FAM151B: variants seen among roughly 807,000 people sequenced by gnomAD.
FAM151B encodes family with sequence similarity 151 member B.
A neutral mutation model predicts 31.2 loss-of-function variants in FAM151B; 24 were observed. The observed-to-expected ratio is 0.77, with a 90% CI of 0.56 to 1.08. The LOEUF (loss-of-function observed/expected upper bound fraction) is 1.08, where lower values mean the gene tolerates loss of function less well. Ranked by LOEUF, FAM151B falls within the 50% of genes least tolerant of loss-of-function variation. The pLI, the probability that FAM151B is intolerant of heterozygous loss-of-function variation, is 0.00. For synonymous variants in FAM151B, 105 were observed against 111.4 expected (o/e 0.94, Z 0.36); for missense variants, 293 against 328.6 (o/e 0.89, Z 0.84).
intron 1 of FAM151B, 64 bp downstream of exon 1, chr5:80,488,212 A>G: frequency 6.6e-7 from 1 of 1,505,536 alleles, no homozygotes; most frequent in Non-Finnish European, 8.9e-7. Context: ...CGCCGGCCGT[A>G]CCCTCCCTTT....
intron 5 of FAM151B, among the ~76,000 whole-genome samples, chr5:80,526,426 T>C (rs1213849354): frequency 6.8e-6 from 1 of 146,206 alleles, no homozygotes; most frequent in Non-Finnish European, 1.5e-5. Flanking sequence ...TTGGCCAACA[T>C]GGTGAAACAC....
rs56167626 is a variant in FAM151B, at chr5:80,494,460, C to CTTTTCT, written c.25+6315_25+6316insTCTTTT. Among the ~76,000 whole-genome samples, 585 of 70,960 alleles carry CTTTTCT rather than the reference C, an allele frequency of 8.2e-3. 30 individuals are homozygous for CTTTTCT. Among genetic ancestry groups the CTTTTCT allele is most frequent in the African/African-American group, 0.036 (538 of 14,812 alleles). The allele number at this position is 70,960 out of a possible 152,430, so 46.6% of individuals were successfully genotyped here. On this transcript the variant is annotated intron_variant, in intron 1 of 5. Transcript: ENST00000282226. ...TTCTTTCTTTTTCTTTCTTTCTTTT[C>CTTTTCT]TTTCTTTCTTTCTTTCTTTCTTTCT...
rs76804748 is a variant in FAM151B at position 80,497,780 on chromosome 5, C to G, written c.26-4012C>G. ...GTGGAAGGAAGGGGAACATCACACA[C>G]CAGGGCCTGTCGTGGGGTAGGGGGA... is the stretch of plus-strand genomic sequence containing the variant. On this transcript the variant is annotated intron_variant, in intron 1 of 5. Coordinates refer to ENST00000282226, the MANE Select transcript of FAM151B (RefSeq NM_205548.3). Among the ~76,000 whole-genome samples the G allele has an allele frequency of 9.7e-3, 1,333 of 137,504 alleles. 25 individuals carry two copies. Among genetic ancestry groups the G allele is most frequent in the African/African-American group, 0.036 (1,301 of 35,838 alleles). The allele number at this position is 137,504 out of a possible 152,430, so 90.2% of individuals were successfully genotyped here. A position where few individuals can be genotyped will look rare whatever the true frequency, so the allele number is the denominator to read the frequency against.
chr5:80,493,471 C>T (rs186810498), intron 1 of FAM151B, among the ~76,000 whole-genome samples: 9 of 152,022 alleles, frequency 5.9e-5, no homozygotes, highest in South Asian at 2.1e-4. Context: ...TGACTGCCTG[C>T]GGGGTTGGGC....
chr5:80,494,473 TTTC>T lies in FAM151B; in HGVS notation c.25+6328_25+6330del, dbSNP rs1370253442. On this transcript the variant is annotated intron_variant, in intron 1 of 5. Transcript: ENST00000282226. ...TTTCTTTCTTTTCTTTCTTTCTTTC[TTTC>T]TTTCTTTCTTTCTTTCTTTCTTTCT... Among the ~76,000 whole-genome samples, 68 of 89,684 alleles carry T rather than the reference TTTC, an allele frequency of 7.6e-4. 2 individuals carry two copies. Among genetic ancestry groups the T allele is most frequent in the African/African-American group, 1.9e-3 (52 of 26,806 alleles). 58.8% of individuals were successfully genotyped at this position (89,684 alleles called of 152,430 possible).
chr5:80,489,889 A>G (rs553178167), intron 1 of FAM151B, among the ~76,000 whole-genome samples: 1 of 152,196 alleles, frequency 6.6e-6, no homozygotes, highest in African/African-American at 2.4e-5. Flanking sequence ...GCGCCACTGC[A>G]CTCCAGCCTG....
chr5:80,513,580 A>C, intron 2 of FAM151B, 24 bp from the exon 3 acceptor site: 5 of 1,600,974 alleles, frequency 3.1e-6, no homozygotes, highest in Non-Finnish European at 4.3e-6. Context: ...CTTAGCATTA[A>C]CTGAAGTTCT....
intron 5 of FAM151B, among the ~76,000 whole-genome samples, chr5:80,533,244 G>A (rs1476577699): frequency 1.3e-5 from 2 of 151,954 alleles, no homozygotes; most frequent in Non-Finnish European, 2.9e-5. Context: ...GGGCGTGGTG[G>A]CGGGTGCCTG....
At chr5:80,530,038 C>T (rs1023337665) in intron 5 of FAM151B, among the ~76,000 whole-genome samples, 3 of 131,958 alleles carry the variant, frequency 2.3e-5, no homozygotes, top group Non-Finnish European at 4.9e-5. Flanking sequence ...TTATCCAGCA[C>T]GATCAAGTGG....
intron 1 of FAM151B, among the ~76,000 whole-genome samples, chr5:80,492,118 G>T (rs1350020077): frequency 6.6e-6 from 1 of 152,008 alleles, no homozygotes; most frequent in Non-Finnish European, 1.5e-5. Flanking sequence ...ACATGCCATT[G>T]TACAAGCATT....
At chr5:80,494,211 A>G (rs1335592781) in intron 1 of FAM151B, among the ~76,000 whole-genome samples, 1 of 152,184 alleles carries the variant, frequency 6.6e-6, no homozygotes, top group Non-Finnish European at 1.5e-5. Flanking sequence ...ACTCTCATCA[A>G]TTTTATGAAG....
intron 1 of FAM151B, among the ~76,000 whole-genome samples, chr5:80,492,989 A>G (rs919983778): frequency 6.6e-6 from 1 of 152,230 alleles, no homozygotes; most frequent in Non-Finnish European, 1.5e-5. Flanking sequence ...GCTAGAAATG[A>G]TTAAGCTTAG....
intron 3 of FAM151B, among the ~76,000 whole-genome samples, chr5:80,517,287 GA>G (rs957863433): frequency 2.0e-5 from 3 of 151,708 alleles, no homozygotes; most frequent in Admixed American, 6.6e-5. Flanking sequence ...TATGTGTAGG[GA>G]AAAAAAACAG....
intron 3 of FAM151B, among the ~76,000 whole-genome samples, chr5:80,516,894 G>T (rs970693112): frequency 6.6e-6 from 1 of 152,168 alleles, no homozygotes; most frequent in African/African-American, 2.4e-5. Context: ...GTACACCATG[G>T]TCTAAAAGTG....
At chr5:80,498,513 T>C in intron 1 of FAM151B, 1 of 860,966 alleles carries the variant, frequency 1.2e-6, no homozygotes. Context: ...TCATGTCTTT[T>C]ATTAACTCAT....
rs141967691 is a variant in FAM151B at position 80,538,918 on chromosome 5, A to C, written c.672-2755A>C. 2.8e-3 allele frequency among the ~76,000 whole-genome samples: 431 copies of C among 151,608 alleles called. 2 individuals carry two copies. Among genetic ancestry groups the C allele is most frequent in the Non-Finnish European group, 4.5e-3 (308 of 67,938 alleles). On this transcript the variant is annotated intron_variant, in intron 5 of 5. Coordinates refer to ENST00000282226, the MANE Select transcript of FAM151B (RefSeq NM_205548.3). ...TGGTCCCCCTTCTTTTTAAAACAAA[A>C]GATGTTATGGTATGTCATACACCTT...
chr5:80,535,137 G>A lies in FAM151B; in HGVS notation c.672-6536G>A, dbSNP rs143110595. Among the ~76,000 whole-genome samples, 616 of 152,260 alleles carry A rather than the reference G, an allele frequency of 4.0e-3. 4 individuals carry two copies. The highest frequency in any genetic ancestry group is 0.014 in the African/African-American group (574 of 41,556). On this transcript the variant is annotated intron_variant, in intron 5 of 5. Transcript: ENST00000282226. ...AATGGAGAGATATTCCATGTTTGTG[G>A]ATTGGAAGAATTAATATTGTTAAAA... is the stretch of plus-strand genomic sequence containing the variant.
chr5:80,542,288 A>G lies in FAM151B; in HGVS notation c.*456A>G, dbSNP rs1054357434. Reference sequence around the variant, plus strand: ...CTTTTAAAATGTTTTTAATTTTCACAGGGGTCAGCAGCTGTCTCATATCAA... The same window carrying G: ...CTTTTAAAATGTTTTTAATTTTCACGGGGGTCAGCAGCTGTCTCATATCAA... On this transcript the variant is annotated 3_prime_UTR_variant, in exon 6 of 6. Transcript: ENST00000282226. 2 of 154,524 alleles carry G rather than the reference A, an allele frequency of 1.3e-5. No individual in the cohort carries two copies. The highest frequency in any genetic ancestry group is 4.8e-5 in the African/African-American group (2 of 41,490). The allele number at this position is 154,524 out of a possible 1,614,324, so 9.6% of individuals were successfully genotyped here.
chr5:80,526,342 T>C (rs1744966706), intron 5 of FAM151B, among the ~76,000 whole-genome samples: 1 of 151,898 alleles, frequency 6.6e-6, no homozygotes, highest in Admixed American at 6.6e-5. Flanking sequence ...GCACAGTGTC[T>C]CATGTGTGTA....
Sources: allele counts gnomAD v4.1 joint callset (sites outside exome capture counted in the v4.1 genomes callset), GRCh38; gene constraint gnomAD v4.1.1; transcripts MANE v1.5; gene names NCBI Gene and HGNC (gene_info 2026-07-23, HGNC 2026-07-21).